Variants in CCDC74A observed in about 807,000 individuals in gnomAD.
CCDC74A encodes the protein coiled-coil domain-containing protein 74A.
A neutral mutation model predicts 37.6 loss-of-function variants in CCDC74A; 38 were observed. That is an observed-to-expected ratio of 1.01 (90% CI 0.78 to 1.33). The LOEUF is 1.33. CCDC74A is among the 40% of genes most tolerant of loss of function. The probability of loss-of-function intolerance (pLI) is 0.00; values close to 1 mark genes in which losing one functional copy is unlikely to be tolerated. For missense variants in CCDC74A, 340 were observed against 403.4 expected (o/e 0.84, Z 1.35); for synonymous variants, 134 against 165.2 (o/e 0.81, Z 1.45).
At chr2:131,531,965 C>G (rs182147979) in intron 4 of CCDC74A, among the ~76,000 whole-genome samples, 163 bp downstream of exon 4, 3 of 145,944 alleles carry the variant, frequency 2.1e-5, no homozygotes, top group Admixed American at 2.0e-4. Context: ...TAGCAGATGA[C>G]GGCCACGCTC....
At chr2:131,522,652 C>G in the CCDC74A span, among the ~76,000 whole-genome samples, 15 of 152,252 alleles carry the variant, frequency 9.9e-5, no homozygotes, top group South Asian at 1.0e-3. Flanking sequence ...CCGCATCGTC[C>G]TCCTTGCCCC....
At position 131,528,000 on chromosome 2, in the gene CCDC74A, G is replaced by C; in HGVS notation, c.30G>C (p.Thr10=). 3 of 1,461,858 alleles carry C rather than the reference G, an allele frequency of 2.1e-6. No individual in the cohort carries two copies. Among genetic ancestry groups the C allele is most frequent in the Non-Finnish European group, 2.7e-6 (3 of 1,108,026 alleles). 90.6% of individuals were successfully genotyped at this position (1,461,858 alleles called of 1,614,324 possible). A position where few individuals can be genotyped will look rare whatever the true frequency, so the allele number is the denominator to read the frequency against. The part of the protein sequence containing the change: MSGAGVAAG[T]RPPSSPTPGS... ...GCGGTGCGGGGGTGGCGGCTGGGAC[G>C]CGGCCCCCCAGCTCGCCGACCCCGG... Residue 10 remains threonine, a synonymous_variant, in exon 1 of 8, where the codon ACG becomes ACC. Coordinates refer to ENST00000409856, the MANE Select transcript of CCDC74A (RefSeq NM_001258306.3).
In CCDC74A at chr2:131,532,943, T is replaced by G. The variant is rs375423073; in HGVS notation, c.752+6T>G. ...GAGGAAGCTAGCTTTCCCAGGTGAG[T>G]GCCTGGTGCACCCCTGCCCCATCCC... On this transcript the variant is annotated splice_donor_region_variant and intron_variant, in intron 6 of 7. Transcript: ENST00000409856. The G allele has an allele frequency of 5.8e-5, 93 of 1,613,638 alleles. No homozygotes were observed. Among genetic ancestry groups the G allele is most frequent in the Non-Finnish European group, 7.7e-5 (91 of 1,179,826 alleles).
At chr2:131,526,296 G>T (rs576332094), upstream of CCDC74A, among the ~76,000 whole-genome samples, 96 of 150,756 alleles carry the variant, frequency 6.4e-4, 1 homozygote, top group Non-Finnish European at 1.0e-3. Flanking sequence ...ACAGGTGCAT[G>T]CCACCACGCT....
intron 6 of CCDC74A, 34 bp downstream of exon 6, chr2:131,532,971 G>T: frequency 6.2e-7 from 1 of 1,613,934 alleles, no homozygotes; most frequent in Non-Finnish European, 8.5e-7. Context: ...CCCATCCCTG[G>T]GGTCCTATCC....
intron 2 of CCDC74A, chr2:131,530,345 C>A: frequency 6.5e-7 from 1 of 1,545,412 alleles, no homozygotes; most frequent in South Asian, 1.2e-5. Context: ...GGGAACATCG[C>A]AGCTGGGGCA....
upstream of CCDC74A, among the ~76,000 whole-genome samples, chr2:131,525,021 C>G (rs1680248603): frequency 6.6e-6 from 1 of 151,852 alleles, no homozygotes; most frequent in African/African-American, 2.4e-5. Context: ...ATAATCGCAC[C>G]ACTGCACTCC....
At chr2:131,530,520 G>T (rs755473429) in intron 2 of CCDC74A, 4 of 1,576,544 alleles carry the variant, frequency 2.5e-6, no homozygotes, top group African/African-American at 1.4e-5. Flanking sequence ...CACGGGAAGA[G>T]GCCATGCTTT....
chr2:131,529,848 G>A (rs1220158320), intron 2 of CCDC74A, 157 bp downstream of exon 2: 61 of 1,503,420 alleles, frequency 4.1e-5, no homozygotes, highest in Non-Finnish European at 5.2e-5. Context: ...ACCTCTAGCC[G>A]TGGCTGGACG....
upstream of CCDC74A, among the ~76,000 whole-genome samples, chr2:131,526,787 G>C (rs1447421211): frequency 6.6e-6 from 1 of 152,176 alleles, no homozygotes; most frequent in Non-Finnish European, 1.5e-5. Context: ...GGTGTCAGAG[G>C]CTTAAACCTC....
chr2:131,532,815 A>T (rs761232318), intron 5 of CCDC74A, 34 bp downstream of exon 5: 10 of 1,612,870 alleles, frequency 6.2e-6, no homozygotes, highest in Non-Finnish European at 8.5e-6. Context: ...GGCCCTGGGC[A>T]GTCTGGCACC....
At chr2:131,529,858 G>C in intron 2 of CCDC74A, 167 bp downstream of exon 2, 1 of 1,497,130 alleles carries the variant, frequency 6.7e-7, no homozygotes, top group South Asian at 1.3e-5. Flanking sequence ...GTGGCTGGAC[G>C]ATGTTATGCA....
upstream of CCDC74A, among the ~76,000 whole-genome samples, chr2:131,524,517 C>A (rs1328926075): frequency 1.3e-5 from 2 of 152,096 alleles, no homozygotes; most frequent in Non-Finnish European, 2.9e-5. Context: ...GCAATAAGAG[C>A]CCCATCCTCC....
At chr2:131,527,714 C>G (rs1376239067), upstream of CCDC74A, 21 of 505,280 alleles carry the variant, frequency 4.2e-5, no homozygotes, top group Non-Finnish European at 5.6e-5. Flanking sequence ...AGGCTGGTCA[C>G]GAACTCCTGA....
At position 131,532,850 on chromosome 2, in the gene CCDC74A, C is replaced by T. The variant is rs370686999; in HGVS notation, c.679-14C>T. On this transcript the variant is annotated splice_polypyrimidine_tract_variant and intron_variant, in intron 5 of 7. Transcript: ENST00000409856. ...CGCCACAGGCCCCACCATGCCCCTG[C>T]CCCTGCCTTTCAGCTGCGGCACCTC... The T allele has an allele frequency of 3.4e-5, 55 of 1,613,114 alleles. No individual in the cohort carries two copies. In the African/African-American group the frequency reaches 5.9e-4, roughly 17 times the overall value.
upstream of CCDC74A, among the ~76,000 whole-genome samples, chr2:131,523,356 A>G (rs1680190001): frequency 6.6e-6 from 1 of 152,182 alleles, no homozygotes; most frequent in African/African-American, 2.4e-5. Context: ...GGCCAGGCGC[A>G]GTGGCTCACG....
At chr2:131,528,991 T>C (rs1429875088) in intron 1 of CCDC74A, among the ~76,000 whole-genome samples, 6 of 138,722 alleles carry the variant, frequency 4.3e-5, no homozygotes, top group Non-Finnish European at 9.4e-5. Context: ...ACTGCACCCT[T>C]AGCTGCTCCT....
chr2:131,524,886 C>CAAAAAAA (rs57589680), upstream of CCDC74A, among the ~76,000 whole-genome samples: 2 of 98,276 alleles, frequency 2.0e-5, no homozygotes, highest in African/African-American at 4.1e-5. Context: ...CATAGTAAGA[C>CAAAAAAA]AAAAAAAAAA....
At chr2:131,527,474 T>C (rs1680393219), upstream of CCDC74A, among the ~76,000 whole-genome samples, 1 of 152,084 alleles carries the variant, frequency 6.6e-6, no homozygotes, top group Non-Finnish European at 1.5e-5. Context: ...CACTTTCCAT[T>C]CAGGCTGGAA....
Sources: allele counts gnomAD v4.1 joint callset (sites outside exome capture counted in the v4.1 genomes callset), GRCh38; gene constraint gnomAD v4.1.1; transcripts MANE v1.5; gene names NCBI Gene and HGNC (gene_info 2026-07-23, HGNC 2026-07-21).